Variants in MARCHF5 observed in about 807,000 individuals in gnomAD.
MARCHF5 encodes the protein membrane associated ring-CH-type finger 5, also known as E3 ubiquitin-protein ligase MARCHF5.
Under a neutral mutation model 36.5 loss-of-function variants are expected in MARCHF5, and 5 were observed. The observed-to-expected ratio is 0.14, with a 90% CI of 0.07 to 0.29. The LOEUF is 0.29. MARCHF5 is among the 10% of genes least tolerant of loss of function. The pLI is 1.00. For synonymous variants in MARCHF5, 103 were observed against 109.9 expected, an observed-to-expected ratio of 0.94 and a Z score of 0.39; for missense variants, 179 against 336.3, an observed-to-expected ratio of 0.53 and a Z score of 3.66.
rs201290582 is a variant in MARCHF5 at position 92,349,857 on chromosome 10, A to C, written c.720+20A>C. The stretch of plus-strand genomic sequence containing the variant: ...ATCTTGGTAAGACGGCTTTAACATT[A>C]CTTATATTACCTTGCAAAAGAGAAT... On this transcript the variant is annotated intron_variant, in intron 5 of 5. Coordinates refer to ENST00000358935, the MANE Select transcript of MARCHF5 (RefSeq NM_017824.5). The C allele has an allele frequency of 6.3e-7, 1 of 1,583,394 alleles. No individual in the cohort carries two copies. Among genetic ancestry groups the C allele is most frequent in the South Asian group, 1.1e-5 (1 of 88,952 alleles).
At position 92,291,481 on chromosome 10, in the gene MARCHF5, C is replaced by G. The variant is rs1176266565; in HGVS notation, c.-14C>G. The G allele has an allele frequency of 9.0e-5, 140 of 1,547,204 alleles. No individual in the cohort carries two copies. Among genetic ancestry groups the G allele is most frequent in the Non-Finnish European group, 1.2e-4 (137 of 1,144,522 alleles). On this transcript the variant is annotated 5_prime_UTR_variant, in exon 1 of 6. Transcript: ENST00000358935. ...GTCCACTGGGGAAGGCCGTGTGCGC[C>G]GGCTCCGCGGAAGATGCCGGACCAA...
At chr10:92,301,739 T>C (rs1222694792) in intron 1 of MARCHF5, among the ~76,000 whole-genome samples, 1 of 152,196 alleles carries the variant, frequency 6.6e-6, no homozygotes, top group African/African-American at 2.4e-5. Context: ...TCCTGTACAC[T>C]TTACGTTCTC....
Position 92,340,694 on chromosome 10 carries a change from A to G in MARCHF5, c.260A>G (p.Asp87Gly), listed in dbSNP as rs1250541315. ...ATAGGTCCAGTGGTTTACGTCTTGGATCTTGCAGATAGACTGATCTCAAAA... is the reference window on the plus strand; with the variant it reads ...ATAGGTCCAGTGGTTTACGTCTTGGGTCTTGCAGATAGACTGATCTCAAAA... ...PKLGPVVYVL[D>G]LADRLISKAC... The change falls in exon 3 of 6, where the codon GAT becomes GGT. Residue 87 changes from aspartate to glycine, a missense_variant. Transcript: ENST00000358935. The G allele has an allele frequency of 6.2e-7, 1 of 1,613,076 alleles. No individual in the cohort carries two copies. The highest frequency in any genetic ancestry group is 8.5e-7 in the Non-Finnish European group (1 of 1,179,608).
At chr10:92,331,967 A>G (rs1284791758) in intron 2 of MARCHF5, among the ~76,000 whole-genome samples, 7 of 145,544 alleles carry the variant, frequency 4.8e-5, no homozygotes, top group South Asian at 2.1e-4. Flanking sequence ...ATATAATCGT[A>G]TATATATATG....
chr10:92,319,555 A>G (rs546824888), intron 2 of MARCHF5, among the ~76,000 whole-genome samples: 3 of 151,900 alleles, frequency 2.0e-5, no homozygotes, highest in East Asian at 3.9e-4. Context: ...CGGCCTCCCA[A>G]AGTGCTGGGA....
chr10:92,299,484 C>T (rs1032494739), intron 1 of MARCHF5, among the ~76,000 whole-genome samples: 18 of 152,142 alleles, frequency 1.2e-4, no homozygotes, highest in African/African-American at 4.3e-4. Flanking sequence ...TCCCTCCTAA[C>T]ACCTGGTGAA....
At chr10:92,328,817 A>AT (rs1343619682) in intron 2 of MARCHF5, among the ~76,000 whole-genome samples, 10,882 of 85,774 alleles carry the variant, frequency 0.13, 474 homozygotes, top group South Asian at 0.19. Flanking sequence ...ATATATATAT[A>AT]TATATTTTTT....
At chr10:92,299,050 C>T (rs181009683) in intron 1 of MARCHF5, among the ~76,000 whole-genome samples, 1 of 151,998 alleles carries the variant, frequency 6.6e-6, no homozygotes, top group East Asian at 1.9e-4. Flanking sequence ...GTCTCAAACT[C>T]CTGTTCTCCA....
At chr10:92,297,076 C>T (rs1254026605) in intron 1 of MARCHF5, among the ~76,000 whole-genome samples, 1 of 152,102 alleles carries the variant, frequency 6.6e-6, no homozygotes, top group African/African-American at 2.4e-5. Context: ...CATATCTTCT[C>T]ATCCCCACTC....
Position 92,352,459 on chromosome 10 carries a change from A to T in MARCHF5, c.*1252A>T, listed in dbSNP as rs1350402696. ...TATTCATTTTTAAAAGCAATTATTGAAGCCATTTTCAATAGATTGGCCATT... is the reference window on the plus strand; with the variant it reads ...TATTCATTTTTAAAAGCAATTATTGTAGCCATTTTCAATAGATTGGCCATT... On this transcript the variant is annotated 3_prime_UTR_variant, in exon 6 of 6. Transcript: ENST00000358935. 1 of 152,222 alleles carries T rather than the reference A, an allele frequency of 6.6e-6. No homozygotes were observed. The highest frequency in any genetic ancestry group is 1.5e-5 in the Non-Finnish European group (1 of 68,040). The allele number at this position is 152,222 out of a possible 1,614,324, so 9.4% of individuals were successfully genotyped here.
intron 2 of MARCHF5, among the ~76,000 whole-genome samples, chr10:92,339,995 G>A (rs1171031949): frequency 3.9e-5 from 6 of 152,196 alleles, no homozygotes; most frequent in African/African-American, 1.4e-4. Context: ...GAAAATCAAA[G>A]AGAGATAAAT....
intron 3 of MARCHF5, among the ~76,000 whole-genome samples, chr10:92,341,113 T>C (rs1843573299): frequency 6.6e-6 from 1 of 152,190 alleles, no homozygotes; most frequent in South Asian, 2.1e-4. Flanking sequence ...GTTAGTCCAA[T>C]GTTTTGCTAT....
chr10:92,329,938 C>T (rs978576065), intron 2 of MARCHF5, among the ~76,000 whole-genome samples: 17 of 152,088 alleles, frequency 1.1e-4, no homozygotes, highest in African/African-American at 4.8e-5. Flanking sequence ...CTCCGCCTCC[C>T]GGGTTCAAGC....
chr10:92,321,471 T>C (rs990290676), intron 2 of MARCHF5, among the ~76,000 whole-genome samples: 7 of 152,148 alleles, frequency 4.6e-5, no homozygotes, highest in African/African-American at 1.7e-4. Context: ...TCATGTTTGC[T>C]AGTACTTTGT....
chr10:92,337,053 C>T (rs1398116079), intron 2 of MARCHF5, among the ~76,000 whole-genome samples: 3 of 149,658 alleles, frequency 2.0e-5, no homozygotes, highest in Non-Finnish European at 1.5e-5. Flanking sequence ...GCCCAGGAGG[C>T]GGAAATTACA....
intron 2 of MARCHF5, among the ~76,000 whole-genome samples, chr10:92,327,206 TATCATTTGAACAC>T (rs1435771942): frequency 6.6e-6 from 1 of 151,976 alleles, no homozygotes; most frequent in Non-Finnish European, 1.5e-5. Flanking sequence ...TGGTCTCTCC[TATCATTTGAACAC>T]ATCAGAAACT....
chr10:92,311,065 A>C, intron 1 of MARCHF5, 70 bp from the exon 2 acceptor site: 66 of 1,086,326 alleles, frequency 6.1e-5, no homozygotes, highest in Non-Finnish European at 8.4e-5. Context: ...CCATTAAGTA[A>C]GAGCTGCAGT....
At chr10:92,325,109 GA>G (rs1843339530) in intron 2 of MARCHF5, among the ~76,000 whole-genome samples, 1 of 151,990 alleles carries the variant, frequency 6.6e-6, no homozygotes, top group African/African-American at 2.4e-5. Flanking sequence ...GAGGCGGGGG[GA>G]TCATTTGCGC....
chr10:92,313,680 T>C (rs1843173871), intron 2 of MARCHF5, among the ~76,000 whole-genome samples: 1 of 151,788 alleles, frequency 6.6e-6, no homozygotes, highest in Non-Finnish European at 1.5e-5. Context: ...GGCGAGTAGA[T>C]TGCTTGAGAC....
Sources: allele counts gnomAD v4.1 joint callset (sites outside exome capture counted in the v4.1 genomes callset), GRCh38; gene constraint gnomAD v4.1.1; transcripts MANE v1.5; gene names NCBI Gene and HGNC (gene_info 2026-07-23, HGNC 2026-07-21).